GPD2: variants seen among roughly 807,000 people sequenced by gnomAD.
GPD2 encodes glycerol-3-phosphate dehydrogenase 2.
Under a neutral mutation model 82.4 loss-of-function variants are expected in GPD2, and 54 were observed. That is an observed-to-expected ratio of 0.66 (90% CI 0.53 to 0.82). GPD2 has a LOEUF of 0.82. Ranked by LOEUF, GPD2 falls within the 40% of genes least tolerant of loss-of-function variation. GPD2 has a pLI of 0.00. For synonymous variants in GPD2, 288 were observed against 306.1 expected (o/e 0.94, Z 0.62); for missense variants, 748 against 896.2 (o/e 0.83, Z 2.11).
At chr2:156,441,361 G>A (rs1682169741) in intron 1 of GPD2, among the ~76,000 whole-genome samples, 1 of 152,114 alleles carries the variant, frequency 6.6e-6, no homozygotes, top group African/African-American at 2.4e-5. Flanking sequence ...AGATCAGCCT[G>A]GGCCACGTGG....
intron 9 of GPD2, among the ~76,000 whole-genome samples, chr2:156,566,177 T>A (rs1368113504): frequency 3.9e-5 from 6 of 152,152 alleles, no homozygotes; most frequent in Admixed American, 3.3e-4. Flanking sequence ...TTGAATTATA[T>A]CAGTTTATCC....
At chr2:156,416,028 AAAAAAAACAAAAAC>A in the GPD2 span, among the ~76,000 whole-genome samples, 1 of 98,752 alleles carries the variant, frequency 1.0e-5, no homozygotes, top group East Asian at 3.3e-4. Flanking sequence ...CTCAAAAAAA[AAAAAAAACAAAAAC>A]AAAATAAAAT....
intron 1 of GPD2, among the ~76,000 whole-genome samples, chr2:156,455,550 C>T (rs1682761769): frequency 6.6e-6 from 1 of 152,152 alleles, no homozygotes; most frequent in Admixed American, 6.5e-5. Flanking sequence ...CACCCTATGC[C>T]CTAGTCAGAC....
chr2:156,468,380 G>A (rs1330912292), intron 1 of GPD2, among the ~76,000 whole-genome samples: 1 of 152,198 alleles, frequency 6.6e-6, no homozygotes, highest in Non-Finnish European at 1.5e-5. Context: ...CACTGGATTT[G>A]TATGCGAGTG....
At chr2:156,566,278 C>T (rs1243800896) in intron 9 of GPD2, among the ~76,000 whole-genome samples, 9 of 152,014 alleles carry the variant, frequency 5.9e-5, no homozygotes, top group African/African-American at 1.9e-4. Flanking sequence ...TGTGGCATTA[C>T]GTACATTCAC....
At chr2:156,456,237 G>C (rs537275318) in intron 1 of GPD2, among the ~76,000 whole-genome samples, 1 of 152,182 alleles carries the variant, frequency 6.6e-6, no homozygotes, top group African/African-American at 2.4e-5. Context: ...TGCCCACTTA[G>C]AATTGTGGGA....
At chr2:156,560,458 G>A (rs1443632664) in intron 9 of GPD2, among the ~76,000 whole-genome samples, 1 of 152,156 alleles carries the variant, frequency 6.6e-6, no homozygotes, top group Non-Finnish European at 1.5e-5. Flanking sequence ...GTGATCTGGG[G>A]ACATCTTGAG....
chr2:156,437,917 G>T (rs1682009430), intron 1 of GPD2, among the ~76,000 whole-genome samples: 2 of 151,976 alleles, frequency 1.3e-5, no homozygotes, highest in South Asian at 4.1e-4. Flanking sequence ...GATGATTATT[G>T]TGCATAACTC....
At chr2:156,544,696 A>G (rs1486726401) in intron 6 of GPD2, among the ~76,000 whole-genome samples, 1 of 152,198 alleles carries the variant, frequency 6.6e-6, no homozygotes, top group Non-Finnish European at 1.5e-5. Flanking sequence ...ATTATTAACA[A>G]TTAGCTATTG....
At chr2:156,413,334 C>A in the GPD2 span, among the ~76,000 whole-genome samples, 2 of 151,986 alleles carry the variant, frequency 1.3e-5, no homozygotes, top group East Asian at 3.9e-4. Flanking sequence ...GCAATTCCAG[C>A]ACTTTGGGAG....
chr2:156,507,321 C>A (rs929936885), intron 3 of GPD2, among the ~76,000 whole-genome samples: 2 of 106,664 alleles, frequency 1.9e-5, no homozygotes, highest in African/African-American at 3.5e-5. Context: ...TTTTCTTTTT[C>A]TTTTCTTTTT....
At chr2:156,480,706 T>C (rs931149158) in intron 2 of GPD2, among the ~76,000 whole-genome samples, 1 of 151,888 alleles carries the variant, frequency 6.6e-6, no homozygotes, top group Admixed American at 6.6e-5. Context: ...TGTGAAAATT[T>C]TTTTCCCCCC....
chr2:156,576,278 A>G (rs1029839624), intron 13 of GPD2, among the ~76,000 whole-genome samples: 13 of 152,178 alleles, frequency 8.5e-5, no homozygotes, highest in African/African-American at 2.2e-4. Context: ...TACTTGCCAG[A>G]TCTCTGTTGC....
upstream of GPD2, chr2:156,435,684 A>G (rs1688404783): frequency 6.6e-6 from 1 of 152,136 alleles, no homozygotes; most frequent in African/African-American, 2.4e-5. Flanking sequence ...CTGGGCTCTG[A>G]CGGCGGGGTC....
At chr2:156,539,383 A>G (rs1686216123) in intron 6 of GPD2, among the ~76,000 whole-genome samples, 1 of 152,180 alleles carries the variant, frequency 6.6e-6, no homozygotes, top group African/African-American at 2.4e-5. Context: ...CGGAGTCTCC[A>G]GCATCAGTGC....
chr2:156,404,238 C>T, the GPD2 span, among the ~76,000 whole-genome samples: 2 of 151,906 alleles, frequency 1.3e-5, no homozygotes, highest in African/African-American at 4.8e-5. Context: ...AAAAAAATTA[C>T]CCAGGTGTGG....
intron 3 of GPD2, among the ~76,000 whole-genome samples, chr2:156,508,879 TATG>T (rs1684881142): frequency 6.6e-6 from 1 of 152,100 alleles, no homozygotes; most frequent in African/African-American, 2.4e-5. Context: ...TAACGTGGAG[TATG>T]ATGAGAGTCT....
At position 156,495,920 on chromosome 2, in the gene GPD2, A is replaced by T. The variant is rs1179311267; in HGVS notation, c.103-124A>T. The T allele has an allele frequency of 7.0e-6, 5 of 719,084 alleles. No homozygotes were observed. The Admixed American group carries it at 1.1e-4, about 15-fold the overall frequency. 44.5% of individuals were successfully genotyped at this position (719,084 alleles called of 1,614,324 possible). A position where few individuals can be genotyped will look rare whatever the true frequency, so the allele number is the denominator to read the frequency against. On this transcript the variant is annotated intron_variant, in intron 2 of 16. Coordinates refer to ENST00000438166, the MANE Select transcript of GPD2 (RefSeq NM_000408.5). Reference sequence around the variant, plus strand: ...CAGTTGGTCCTATAACTCTATGTGGACTGTGGACTCTCTTTAGCTCTTATA... The same window carrying T: ...CAGTTGGTCCTATAACTCTATGTGGTCTGTGGACTCTCTTTAGCTCTTATA...
chr2:156,407,366 C>T, the GPD2 span, among the ~76,000 whole-genome samples: 1 of 152,144 alleles, frequency 6.6e-6, no homozygotes, highest in Non-Finnish European at 1.5e-5. Context: ...ACATACTATA[C>T]ATACTGTTAT....
Sources: allele counts gnomAD v4.1 joint callset (sites outside exome capture counted in the v4.1 genomes callset), GRCh38; gene constraint gnomAD v4.1.1; transcripts MANE v1.5; gene names NCBI Gene and HGNC (gene_info 2026-07-23, HGNC 2026-07-21).